The following CHODL variants were observed in gnomAD, a reference collection of about 807,000 sequenced individuals.
CHODL encodes the protein transmembrane protein MT75.
In CHODL, 29 loss-of-function variants were observed where a neutral mutation model predicts 34.5. The observed-to-expected ratio is 0.84, with a 90% confidence interval of 0.63 to 1.15. The LOEUF (loss-of-function observed/expected upper bound fraction) is 1.15, where lower values mean the gene tolerates loss of function less well. Ranked by LOEUF, CHODL falls within the 50% of genes most tolerant of loss-of-function variation. CHODL has a pLI of 0.00. For synonymous variants in CHODL, 125 were observed against 116.1 expected (o/e 1.08, Z -0.49); for missense variants, 332 against 332.5 (o/e 1.00, Z 0.01).
chr21:17,952,565 C>CA (rs1343722484), intron 1 of CHODL, among the ~76,000 whole-genome samples: 3 of 151,746 alleles, frequency 2.0e-5, no homozygotes, highest in Admixed American at 1.3e-4. Context: ...AACTGCCCTA[C>CA]AAAAAAATTC....
At chr21:18,223,283 TG>T (rs1164487556) in intron 2 of CHODL, among the ~76,000 whole-genome samples, 1 of 152,194 alleles carries the variant, frequency 6.6e-6, no homozygotes, top group African/African-American at 2.4e-5. Flanking sequence ...AAGAAAATGA[TG>T]GAAAAGATGT....
intron 1 of CHODL, among the ~76,000 whole-genome samples, chr21:18,019,741 A>G (rs1451462228): frequency 6.6e-6 from 1 of 152,172 alleles, no homozygotes; most frequent in East Asian, 1.9e-4. Context: ...CTTACAAACA[A>G]GAGTTCATCT....
intron 2 of CHODL, among the ~76,000 whole-genome samples, chr21:18,101,484 A>T (rs1245701766): frequency 6.6e-6 from 1 of 152,122 alleles, no homozygotes; most frequent in Non-Finnish European, 1.5e-5. Flanking sequence ...TCCTTAAGTC[A>T]GTTGTAGAAA....
rs1448472790 is a variant in CHODL at position 18,248,664 on chromosome 21, TG to T, written c.79+3363del. Reference sequence around the variant, plus strand: ...TATGTATATATTATATACATATATATGTATAATACATATATGTATATATTAT... The same window carrying T: ...TATGTATATATTATATACATATATATTATAATACATATATGTATATATTAT... On this transcript the variant is annotated intron_variant, in intron 1 of 5. Transcript: ENST00000299295. 3.5e-4 allele frequency among the ~76,000 whole-genome samples: 38 copies of T among 107,636 alleles called. 1 individual carries two copies. Among genetic ancestry groups the T allele is most frequent in the Admixed American group, 2.7e-3 (26 of 9,656 alleles). The allele number at this position is 107,636 out of a possible 152,430, so 70.6% of individuals were successfully genotyped here.
intron 2 of CHODL, among the ~76,000 whole-genome samples, chr21:18,129,914 G>C (rs984368311): frequency 2.9e-4 from 43 of 149,200 alleles, no homozygotes; most frequent in African/African-American, 9.7e-4. Context: ...GTGTGTGTGT[G>C]TGTGTGTGTG....
intron 2 of CHODL, among the ~76,000 whole-genome samples, chr21:18,235,689 C>T (rs2074022280): frequency 6.6e-6 from 1 of 152,040 alleles, no homozygotes; most frequent in Non-Finnish European, 1.5e-5. Flanking sequence ...TAATAAATTA[C>T]GTGTTCCAAA....
chr21:17,975,152 A>G (rs143046244), intron 1 of CHODL, among the ~76,000 whole-genome samples: 122 of 152,116 alleles, frequency 8.0e-4, no homozygotes, highest in Non-Finnish European at 1.4e-3. Flanking sequence ...ATGGTGAAAG[A>G]TTATGTCCTT....
chr21:18,193,809 T>A (rs935374387), intron 2 of CHODL, among the ~76,000 whole-genome samples: 2 of 152,082 alleles, frequency 1.3e-5, no homozygotes, highest in South Asian at 4.1e-4. Flanking sequence ...CATTCAAGAT[T>A]TACAATGGTT....
At chr21:18,066,080 A>C (rs1436256693) in intron 2 of CHODL, among the ~76,000 whole-genome samples, 2 of 152,174 alleles carry the variant, frequency 1.3e-5, no homozygotes, top group East Asian at 1.9e-4. Flanking sequence ...CTGATCTAAG[A>C]TTGAGTTAAA....
chr21:17,992,192 T>G (rs917095944), intron 1 of CHODL, among the ~76,000 whole-genome samples: 2 of 152,184 alleles, frequency 1.3e-5, no homozygotes, highest in African/African-American at 4.8e-5. Context: ...TATGTCTGTT[T>G]TTTATACCAA....
intron 1 of CHODL, among the ~76,000 whole-genome samples, chr21:18,246,424 A>G (rs1199313714): frequency 3.3e-5 from 5 of 152,202 alleles, no homozygotes; most frequent in Non-Finnish European, 7.3e-5. Context: ...ACATTGGCAT[A>G]TTAAGCTTAA....
chr21:18,193,899 C>G (rs148928572), intron 2 of CHODL, among the ~76,000 whole-genome samples: 2 of 151,886 alleles, frequency 1.3e-5, no homozygotes, highest in Non-Finnish European at 2.9e-5. Flanking sequence ...CCCTAGAAAC[C>G]TGCCCCCCCT....
At chr21:17,957,924 C>CA (rs1600831978) in intron 1 of CHODL, among the ~76,000 whole-genome samples, 1 of 151,306 alleles carries the variant, frequency 6.6e-6, no homozygotes. Flanking sequence ...ACTGGAACTT[C>CA]AAAAAATATT....
intron 2 of CHODL, among the ~76,000 whole-genome samples, chr21:18,112,262 G>A (rs1211988774): frequency 1.3e-5 from 2 of 151,910 alleles, no homozygotes; most frequent in East Asian, 1.9e-4. Context: ...GGAAATTGAA[G>A]GGGAAACCAA....
At chr21:18,213,759 G>C (rs1228643030) in intron 2 of CHODL, among the ~76,000 whole-genome samples, 2 of 152,046 alleles carry the variant, frequency 1.3e-5, no homozygotes, top group Non-Finnish European at 2.9e-5. Context: ...CTGTATACAA[G>C]TATAGGGGTT....
intron 1 of CHODL, among the ~76,000 whole-genome samples, chr21:17,927,003 CACAG>C (rs145055365): frequency 0.024 from 3,672 of 151,646 alleles, 149 homozygotes; most frequent in African/African-American, 0.082. Flanking sequence ...CGCACACACA[CACAG>C]ACATACACAC....
chr21:18,144,205 A>G (rs2072837339), intron 2 of CHODL, among the ~76,000 whole-genome samples: 1 of 152,182 alleles, frequency 6.6e-6, no homozygotes, highest in African/African-American at 2.4e-5. Context: ...AAAGGGAATC[A>G]TATCAGTTAT....
chr21:18,229,458 A>AT (rs2073959771), intron 2 of CHODL, among the ~76,000 whole-genome samples: 1 of 152,108 alleles, frequency 6.6e-6, no homozygotes, highest in African/African-American at 2.4e-5. Flanking sequence ...ACAGGGTCAT[A>AT]TTTTTCTCAT....
rs955129918 is a variant in CHODL at position 18,113,558 on chromosome 21, G to A, written c.-45+85587G>A. Among the ~76,000 whole-genome samples, 5 of 152,272 alleles carry A rather than the reference G, an allele frequency of 3.3e-5. No homozygotes were observed. In the East Asian group the frequency reaches 9.7e-4, roughly 29 times the overall value. On this transcript the variant is annotated intron_variant, in intron 2 of 6. Transcript: ENST00000400127. ...GGAAGCAGGCACATCCCGCATGGCT[G>A]GAGCAGGAGGAAGAGAGAGAGTGGG...
Sources: allele counts gnomAD v4.1 joint callset (sites outside exome capture counted in the v4.1 genomes callset), GRCh38; gene constraint gnomAD v4.1.1; transcripts MANE v1.5; gene names NCBI Gene and HGNC (gene_info 2026-07-23, HGNC 2026-07-21).